The following NAALADL2 variants were observed in gnomAD, a reference collection of about 807,000 sequenced individuals.
NAALADL2 encodes inactive N-acetylated-alpha-linked acidic dipeptidase-like protein 2.
A neutral mutation model predicts 87.2 loss-of-function variants in NAALADL2; 76 were observed. The ratio of observed to expected loss-of-function variants is 0.87; its 90% CI spans 0.72 to 1.05. The LOEUF is 1.05. NAALADL2 is among the 50% of genes least tolerant of loss of function. NAALADL2 has a pLI of 0.00. For synonymous variants in NAALADL2, 354 were observed against 331.0 expected (o/e 1.07, Z -0.75); for missense variants, 1,089 against 945.8 (o/e 1.15, Z -1.99).
intron 1 of NAALADL2, among the ~76,000 whole-genome samples, chr3:174,542,158 A>T (rs573144831): frequency 6.6e-6 from 1 of 152,258 alleles, no homozygotes; most frequent in East Asian, 1.9e-4. Flanking sequence ...ATGCTGATAC[A>T]CATCAGGGAA....
At chr3:175,082,148 G>A (rs1286956806) in intron 1 of NAALADL2, among the ~76,000 whole-genome samples, 1 of 152,088 alleles carries the variant, frequency 6.6e-6, no homozygotes, top group Non-Finnish European at 1.5e-5. Flanking sequence ...GTGGCAATTT[G>A]GGGATTCATA....
chr3:175,342,468 AAG>A (rs1161297361), intron 5 of NAALADL2, among the ~76,000 whole-genome samples: 4 of 151,462 alleles, frequency 2.6e-5, no homozygotes, highest in Non-Finnish European at 5.9e-5. Context: ...TTTCAGTGTT[AAG>A]CTGATTACTC....
chr3:174,584,594 G>A lies in NAALADL2; in HGVS notation c.-115+33957G>A, dbSNP rs144862658. Among the ~76,000 whole-genome samples, 362 of 152,022 alleles carry A rather than the reference G, an allele frequency of 2.4e-3. 2 individuals carry two copies. The highest frequency in any genetic ancestry group is 8.2e-3 in the African/African-American group (339 of 41,490). On this transcript the variant is annotated intron_variant, in intron 2 of 3. Coordinates refer to the NAALADL2 transcript ENST00000434257. Reference sequence around the variant, plus strand: ...TATCAGTATTGATTCAAAAAATTATGGTCAGATTCCCTAGGTCTAACTTTT... The same window carrying A: ...TATCAGTATTGATTCAAAAAATTATAGTCAGATTCCCTAGGTCTAACTTTT...
chr3:174,987,082 G>T (rs907143544), intron 1 of NAALADL2, among the ~76,000 whole-genome samples: 1 of 152,094 alleles, frequency 6.6e-6, no homozygotes, highest in Non-Finnish European at 1.5e-5. Context: ...AATTTGTTAA[G>T]AGTATTTTGA....
At position 175,567,974 on chromosome 3, in the gene NAALADL2, C is replaced by T. The variant is rs377387528; in HGVS notation, c.1654-8067C>T. Among the ~76,000 whole-genome samples, 166 of 152,184 alleles carry T rather than the reference C, an allele frequency of 1.1e-3. 2 individuals carry two copies. Among genetic ancestry groups the T allele is most frequent in the African/African-American group, 3.9e-3 (162 of 41,548 alleles). ...CAAGTAATCTGCCTGCCTTGGCCTC[C>T]CAAAGTGCTGGGATTACAGGTGTGA... On this transcript the variant is annotated intron_variant, in intron 9 of 13. Coordinates refer to ENST00000454872, the MANE Select transcript of NAALADL2 (RefSeq NM_207015.3).
In NAALADL2 at chr3:174,770,527, C is replaced by T. The variant is rs558898559; in HGVS notation, c.-9+32781C>T. Among the ~76,000 whole-genome samples the T allele has an allele frequency of 2.6e-5, 4 of 152,188 alleles. No homozygotes were observed. In the South Asian group the frequency reaches 8.3e-4, roughly 32 times the overall value. On this transcript the variant is annotated intron_variant, in intron 3 of 3. Transcript: ENST00000434257. ...CTAACATAATTCAGTAGGTTTTTGT[C>T]TTAAGGAATACATAAGTTCTATTGA...
intron 1 of NAALADL2, among the ~76,000 whole-genome samples, chr3:174,453,926 T>C (rs1715650174): frequency 6.6e-6 from 1 of 152,198 alleles, no homozygotes; most frequent in African/African-American, 2.4e-5. Context: ...ACCTTGAATG[T>C]AAGTGAACTA....
intron 2 of NAALADL2, among the ~76,000 whole-genome samples, chr3:175,225,124 A>G (rs981842114): frequency 3.9e-5 from 6 of 152,184 alleles, no homozygotes; most frequent in African/African-American, 1.4e-4. Flanking sequence ...CATAATCATT[A>G]TAATTTATTG....
chr3:175,093,991 T>A (rs1720655342), intron 1 of NAALADL2, among the ~76,000 whole-genome samples: 1 of 152,002 alleles, frequency 6.6e-6, no homozygotes, highest in Non-Finnish European at 1.5e-5. Flanking sequence ...CAGTTGGCTT[T>A]TAAATGATTT....
At chr3:174,971,693 G>A (rs1579795813) in intron 1 of NAALADL2, among the ~76,000 whole-genome samples, 1 of 151,886 alleles carries the variant, frequency 6.6e-6, no homozygotes, top group East Asian at 1.9e-4. Context: ...GTGTGTGTGT[G>A]TGTGTGTGTT....
At position 175,183,698 on chromosome 3, in the gene NAALADL2, C is replaced by T. The variant is rs145672229; in HGVS notation, c.546-50233C>T. 5.3e-5 allele frequency among the ~76,000 whole-genome samples: 8 copies of T among 152,090 alleles called. No individual in the cohort carries two copies. In the South Asian group the frequency reaches 1.5e-3, roughly 28 times the overall value. On this transcript the variant is annotated intron_variant, in intron 2 of 13. Coordinates refer to ENST00000454872, the MANE Select transcript of NAALADL2 (RefSeq NM_207015.3). ...ATAAATTCCACTTGACTATAGTCAA[C>T]GATCCTTTTAGTGTGCTGTAGAATT...
chr3:175,221,831 G>A (rs572053310), intron 2 of NAALADL2, among the ~76,000 whole-genome samples: 4 of 151,294 alleles, frequency 2.6e-5, no homozygotes, highest in South Asian at 2.1e-4. Context: ...GCTGGAGTGC[G>A]TGGCTCGATC....
At chr3:175,355,360 G>A (rs112560211) in intron 5 of NAALADL2, among the ~76,000 whole-genome samples, 12 of 152,166 alleles carry the variant, frequency 7.9e-5, no homozygotes, top group East Asian at 5.8e-4. Flanking sequence ...GTTAGACACC[G>A]CGCCCAGCCA....
chr3:175,397,955 T>C (rs897708847), intron 5 of NAALADL2, among the ~76,000 whole-genome samples: 5 of 152,152 alleles, frequency 3.3e-5, no homozygotes, highest in Non-Finnish European at 5.9e-5. Flanking sequence ...AGCCAGTTTA[T>C]TGTTTTAGTC....
At chr3:175,316,572 C>A (rs1280297750) in intron 4 of NAALADL2, among the ~76,000 whole-genome samples, 1 of 152,172 alleles carries the variant, frequency 6.6e-6, no homozygotes, top group Non-Finnish European at 1.5e-5. Flanking sequence ...CGTTCTATAT[C>A]TTAAGCTATC....
At chr3:174,886,565 C>T (rs1730177308) in intron 1 of NAALADL2, among the ~76,000 whole-genome samples, 1 of 152,080 alleles carries the variant, frequency 6.6e-6, no homozygotes, top group Admixed American at 6.6e-5. Context: ...TTGATAATGA[C>T]CAAGGAAAGA....
At chr3:175,549,155 G>A (rs1560740595) in intron 9 of NAALADL2, among the ~76,000 whole-genome samples, 1 of 151,680 alleles carries the variant, frequency 6.6e-6, no homozygotes, top group Non-Finnish European at 1.5e-5. Flanking sequence ...ATTTTCCCTT[G>A]CATTGTTTTA....
chr3:175,782,046 TA>T (rs1180405384), intron 13 of NAALADL2, among the ~76,000 whole-genome samples: 1 of 151,030 alleles, frequency 6.6e-6, no homozygotes, highest in Non-Finnish European at 1.5e-5. Flanking sequence ...CATCATTTTT[TA>T]TGGCTGCATA....
intron 4 of NAALADL2, among the ~76,000 whole-genome samples, chr3:175,264,749 G>T (rs1751643031): frequency 1.3e-5 from 2 of 151,478 alleles, no homozygotes; most frequent in Non-Finnish European, 3.0e-5. Context: ...ACATCCTTCA[G>T]TGTTTATTTT....
Sources: gnomAD v4.1 joint callset for allele counts (sites outside exome capture counted in the v4.1 genomes callset) on GRCh38, gnomAD v4.1.1 for gene constraint, MANE v1.5 for transcripts, NCBI Gene and HGNC (gene_info 2026-07-23, HGNC 2026-07-21) for gene names.